Variants in MAGI2 observed in about 807,000 individuals in gnomAD.
MAGI2 encodes the protein membrane-associated guanylate kinase, WW and PDZ domain-containing protein 2.
MAGI2 carries 35 observed loss-of-function variants against 133.3 expected under a neutral mutation model. The observed-to-expected ratio is 0.26, with a 90% CI of 0.20 to 0.35. The LOEUF (loss-of-function observed/expected upper bound fraction) is 0.35, where lower values mean the gene tolerates loss of function less well. Among genes scored for constraint, MAGI2 ranks in the 10% least tolerant of loss-of-function variants. The pLI is 1.00. For missense variants in MAGI2, 1,636 were observed against 1,863.4 expected, an observed-to-expected ratio of 0.88 and a Z score of 2.25; for synonymous variants, 729 against 710.6, an observed-to-expected ratio of 1.03 and a Z score of -0.41.
chr7:78,853,148 G>T (rs1209875390), intron 2 of MAGI2, among the ~76,000 whole-genome samples: 1 of 151,726 alleles, frequency 6.6e-6, no homozygotes, highest in African/African-American at 2.4e-5. Context: ...GATCAAGAAC[G>T]GGCCAGGCAC....
intron 1 of MAGI2, among the ~76,000 whole-genome samples, chr7:79,099,274 T>C (rs1186595811): frequency 1.3e-5 from 2 of 151,846 alleles, no homozygotes; most frequent in Non-Finnish European, 2.9e-5. Context: ...AGAATACAAA[T>C]ATTGAGTATC....
At chr7:79,352,965 C>T (rs1029193072) in intron 1 of MAGI2, among the ~76,000 whole-genome samples, 4 of 152,134 alleles carry the variant, frequency 2.6e-5, no homozygotes, top group South Asian at 2.1e-4. Context: ...AGTGCCTTTA[C>T]GTACTTTAAC....
At chr7:78,777,483 A>G (rs895808321) in intron 2 of MAGI2, among the ~76,000 whole-genome samples, 2 of 152,154 alleles carry the variant, frequency 1.3e-5, no homozygotes, top group Non-Finnish European at 2.9e-5. Flanking sequence ...CAATATCATC[A>G]TCACCACCAT....
chr7:78,900,796 T>C lies in MAGI2; in HGVS notation c.418+106294A>G, dbSNP rs117005575. On this transcript the variant is annotated intron_variant, in intron 2 of 21. Coordinates refer to ENST00000354212, the MANE Select transcript of MAGI2 (RefSeq NM_012301.4). ...ATGAAAGGAGAAACCTTAGTTCTTT[T>C]GCTTGCAGCTGTATACCCAGCATAT... Among the ~76,000 whole-genome samples, 15 of 152,288 alleles carry C rather than the reference T, an allele frequency of 9.8e-5. No individual in the cohort carries two copies. In the East Asian group the frequency reaches 2.1e-3, roughly 22 times the overall value.
At chr7:79,244,485 G>A (rs1832675404) in intron 1 of MAGI2, among the ~76,000 whole-genome samples, 1 of 152,138 alleles carries the variant, frequency 6.6e-6, no homozygotes, top group South Asian at 2.1e-4. Flanking sequence ...CTTTGCATTG[G>A]AACTTAGTGC....
intron 1 of MAGI2, among the ~76,000 whole-genome samples, chr7:79,365,867 C>CAAAAAAAAAAAAAAA (rs71095399): frequency 1.2e-4 from 6 of 48,872 alleles, no homozygotes; most frequent in African/African-American, 2.2e-4. Context: ...ACTCTTGTCT[C>CAAAAAAAAAAAAAAA]AAAAAAAAAA....
At chr7:78,023,197 A>G (rs924229027) in intron 21 of MAGI2, among the ~76,000 whole-genome samples, 3 of 152,224 alleles carry the variant, frequency 2.0e-5, no homozygotes, top group Admixed American at 6.5e-5. Flanking sequence ...CACCTGCCTC[A>G]GCAAGGTGAC....
chr7:78,145,631 T>C (rs1044833486), intron 16 of MAGI2, among the ~76,000 whole-genome samples: 3 of 152,192 alleles, frequency 2.0e-5, no homozygotes, highest in Non-Finnish European at 4.4e-5. Flanking sequence ...CCTTTTGCCA[T>C]GGGATGACAC....
intron 1 of MAGI2, among the ~76,000 whole-genome samples, chr7:79,264,098 T>C (rs1264116379): frequency 6.6e-6 from 1 of 152,188 alleles, no homozygotes; most frequent in African/African-American, 2.4e-5. Flanking sequence ...CTTTGTATTC[T>C]TTTTTCATAC....
chr7:78,859,264 G>C (rs1006256614), intron 2 of MAGI2, among the ~76,000 whole-genome samples: 3 of 152,152 alleles, frequency 2.0e-5, no homozygotes, highest in African/African-American at 7.2e-5. Flanking sequence ...TGTTATGTGT[G>C]AATTTGATCC....
chr7:78,640,455 A>C (rs746845615), intron 2 of MAGI2, among the ~76,000 whole-genome samples: 1 of 152,232 alleles, frequency 6.6e-6, no homozygotes, highest in Non-Finnish European at 1.5e-5. Flanking sequence ...TAATTAAGGC[A>C]CTTCTGGCAT....
chr7:78,111,091 G>A, intron 20 of MAGI2, among the ~76,000 whole-genome samples: 1 of 152,258 alleles, frequency 6.6e-6, no homozygotes, highest in South Asian at 2.1e-4. Context: ...GAATGACAAA[G>A]AATCTCAAGC....
intron 1 of MAGI2, among the ~76,000 whole-genome samples, chr7:79,282,165 G>A (rs935691958): frequency 6.6e-6 from 1 of 152,010 alleles, no homozygotes; most frequent in Non-Finnish European, 1.5e-5. Context: ...AACAGCATTC[G>A]TCTCATTAAG....
rs139149131 is a variant in MAGI2 at position 79,282,194 on chromosome 7, G to C, written c.301+170826C>G. 5.7e-3 allele frequency among the ~76,000 whole-genome samples: 871 copies of C among 152,164 alleles called. 6 individuals are homozygous for C. Among genetic ancestry groups the C allele is most frequent in the African/African-American group, 0.02 (826 of 41,522 alleles). ...CATTAAGCAACCCATATTTCATTAG[G>C]TATATACAGCACTTGTGAGGCATTG... On this transcript the variant is annotated intron_variant, in intron 1 of 21. Transcript: ENST00000354212.
At chr7:78,519,305 A>G (rs1796300977) in intron 4 of MAGI2, among the ~76,000 whole-genome samples, 1 of 152,114 alleles carries the variant, frequency 6.6e-6, no homozygotes, top group Non-Finnish European at 1.5e-5. Context: ...ATGATGGACC[A>G]TTTTTTGGTT....
At chr7:78,733,029 G>A (rs1484917159) in intron 2 of MAGI2, among the ~76,000 whole-genome samples, 2 of 152,094 alleles carry the variant, frequency 1.3e-5, no homozygotes, top group Admixed American at 6.6e-5. Context: ...AAGGGGCTGT[G>A]CAAGGAAATG....
chr7:78,559,395 G>A (rs1800185992), intron 3 of MAGI2, among the ~76,000 whole-genome samples: 1 of 151,938 alleles, frequency 6.6e-6, no homozygotes, highest in Admixed American at 6.6e-5. Flanking sequence ...TAAGAAAAAT[G>A]AAAAGGGTCA....
intron 9 of MAGI2, among the ~76,000 whole-genome samples, chr7:78,261,879 C>T (rs2150963805): frequency 6.6e-6 from 1 of 152,214 alleles, no homozygotes; most frequent in South Asian, 2.1e-4. Flanking sequence ...ACTCAACCCC[C>T]ACAAACATAA....
rs1362594548 is a variant in MAGI2, at chr7:78,070,452, ATG to A, written c.3706+8493_3706+8494del. Among the ~76,000 whole-genome samples, 3 of 146,634 alleles carry A rather than the reference ATG, an allele frequency of 2.0e-5. No homozygotes were observed. The South Asian group carries it at 6.4e-4, about 31-fold the overall frequency. ...TGTGTATATATATATGTGTATATAT[ATG>A]TGTGTGTATATATGTGTGTATATAT... On this transcript the variant is annotated intron_variant, in intron 21 of 21. Transcript: ENST00000354212.
Sources: allele counts gnomAD v4.1 joint callset (sites outside exome capture counted in the v4.1 genomes callset), GRCh38; gene constraint gnomAD v4.1.1; transcripts MANE v1.5; gene names NCBI Gene and HGNC (gene_info 2026-07-23, HGNC 2026-07-21).